CPPED1: variants seen among roughly 807,000 people sequenced by gnomAD.
The protein encoded by CPPED1 is serine/threonine-protein phosphatase CPPED1.
CPPED1 carries 28 observed loss-of-function variants against 28.0 expected under a neutral mutation model. The ratio of observed to expected loss-of-function variants is 1.00; its 90% CI spans 0.74 to 1.37. The LOEUF (loss-of-function observed/expected upper bound fraction) is 1.37, where lower values mean the gene tolerates loss of function less well. Among genes scored for constraint, CPPED1 ranks in the 40% most tolerant of loss-of-function variants. The probability of loss-of-function intolerance (pLI) is 0.00; values close to 1 mark genes in which losing one functional copy is unlikely to be tolerated. For synonymous variants in CPPED1, 198 were observed against 180.2 expected (o/e 1.10, Z -0.79); for missense variants, 504 against 416.5 (o/e 1.21, Z -1.83).
rs7202616 is a variant in CPPED1, at chr16:12,700,650, C to A, written c.715+3974G>T. Among the ~76,000 whole-genome samples the A allele has an allele frequency of 2.0e-5, 3 of 152,188 alleles. No homozygotes were observed. The South Asian group carries it at 6.2e-4, about 32-fold the overall frequency. On this transcript the variant is annotated intron_variant, in intron 3 of 3. Coordinates refer to ENST00000381774, the MANE Select transcript of CPPED1 (RefSeq NM_018340.3). Reference sequence around the variant, plus strand: ...CAGGTGATCCACCTGCCTTGGCCTCCCAAAGTGCTAGGATTACAGGTGTGA... The same window carrying A: ...CAGGTGATCCACCTGCCTTGGCCTCACAAAGTGCTAGGATTACAGGTGTGA...
At chr16:12,797,126 C>A (rs1294901782) in intron 1 of CPPED1, among the ~76,000 whole-genome samples, 1 of 152,128 alleles carries the variant, frequency 6.6e-6, no homozygotes, top group African/African-American at 2.4e-5. Flanking sequence ...GGTATAAAAC[C>A]ACTTTTTTGG....
At chr16:12,730,040 T>C (rs1596462811) in intron 2 of CPPED1, among the ~76,000 whole-genome samples, 1 of 152,256 alleles carries the variant, frequency 6.6e-6, no homozygotes, top group Non-Finnish European at 1.5e-5. Flanking sequence ...TTTCAAATTT[T>C]GTGTAGAGAT....
In CPPED1 at chr16:12,701,965, T is replaced by G. The variant is rs370893651; in HGVS notation, c.715+2659A>C. Among the ~76,000 whole-genome samples, 18 of 152,280 alleles carry G rather than the reference T, an allele frequency of 1.2e-4. No homozygotes were observed. The East Asian group carries it at 2.3e-3, about 20-fold the overall frequency. On this transcript the variant is annotated intron_variant, in intron 3 of 3. Coordinates refer to ENST00000381774, the MANE Select transcript of CPPED1 (RefSeq NM_018340.3). The stretch of plus-strand genomic sequence containing the variant: ...TCATGCCTACCAAGCAGCCTCCTGA[T>G]TATAATTGGGCTTCCCATGTAGCTC...
chr16:12,731,444 C>T (rs187576108), intron 2 of CPPED1, among the ~76,000 whole-genome samples: 528 of 151,608 alleles, frequency 3.5e-3, no homozygotes, highest in Admixed American at 5.8e-3. Flanking sequence ...CATGGGTCCC[C>T]CGGGGAAAAC....
At chr16:12,726,545 G>C (rs773284488) in intron 2 of CPPED1, among the ~76,000 whole-genome samples, 2 of 151,962 alleles carry the variant, frequency 1.3e-5, no homozygotes, top group Non-Finnish European at 2.9e-5. Context: ...GTTTCACCCT[G>C]TTGGGCAGGC....
intron 2 of CPPED1, among the ~76,000 whole-genome samples, chr16:12,735,920 A>G (rs1226350471): frequency 6.6e-6 from 1 of 152,168 alleles, no homozygotes; most frequent in Admixed American, 6.6e-5. Flanking sequence ...AGTTATATTT[A>G]AACTGCCCCT....
chr16:12,683,708 C>T (rs1002921907), intron 3 of CPPED1, among the ~76,000 whole-genome samples: 1 of 152,144 alleles, frequency 6.6e-6, no homozygotes, highest in African/African-American at 2.4e-5. Context: ...CACGCTTACC[C>T]CCATCTCCTC....
chr16:12,678,366 C>T (rs2079888386), intron 3 of CPPED1, among the ~76,000 whole-genome samples: 1 of 152,332 alleles, frequency 6.6e-6, no homozygotes, highest in Admixed American at 6.5e-5. Context: ...TCTAATTCAA[C>T]TGTTTTGGCC....
At chr16:12,782,003 T>G (rs1233281800) in intron 1 of CPPED1, among the ~76,000 whole-genome samples, 2 of 151,976 alleles carry the variant, frequency 1.3e-5, no homozygotes, top group Non-Finnish European at 2.9e-5. Context: ...AAATCGATGC[T>G]AACATTTCAA....
intron 3 of CPPED1, among the ~76,000 whole-genome samples, chr16:12,677,655 G>A (rs2079884597): frequency 6.6e-6 from 1 of 152,158 alleles, no homozygotes; most frequent in African/African-American, 2.4e-5. Context: ...AAAGAAAAAA[G>A]GAAGTGCCAC....
intron 3 of CPPED1, among the ~76,000 whole-genome samples, chr16:12,686,031 T>A (rs2079931089): frequency 6.6e-6 from 1 of 152,066 alleles, no homozygotes; most frequent in South Asian, 2.1e-4. Flanking sequence ...CCAGGCCGAG[T>A]GCCTGAGCCA....
At chr16:12,742,875 C>G (rs1297156435) in intron 2 of CPPED1, among the ~76,000 whole-genome samples, 1 of 152,160 alleles carries the variant, frequency 6.6e-6, no homozygotes, top group Non-Finnish European at 1.5e-5. Context: ...AGCAAAGGGA[C>G]TGGAGGCGTG....
At chr16:12,698,492 C>A (rs774836636) in intron 3 of CPPED1, among the ~76,000 whole-genome samples, 2 of 152,130 alleles carry the variant, frequency 1.3e-5, no homozygotes, top group Non-Finnish European at 2.9e-5. Flanking sequence ...CATGCAGTGG[C>A]GTAATCTTGG....
rs2065808236 is a variant in CPPED1 at position 12,709,571 on chromosome 16, TGA to T, written c.290-4524_290-4523del. On this transcript the variant is annotated intron_variant, in intron 2 of 3. Transcript: ENST00000381774. The surrounding 1 kb of genome is among the most constrained non-coding windows in gnomAD (Gnocchi z 4.4). ...ATTCTTATTTGTATCAGTGGTACTG[TGA>T]GAGGTATGATTTATTTTTGTCCATA... Among the ~76,000 whole-genome samples, 1 of 152,198 alleles carries T rather than the reference TGA, an allele frequency of 6.6e-6. No individual in the cohort carries two copies. The highest frequency in any genetic ancestry group is 1.5e-5 in the Non-Finnish European group (1 of 68,030).
At chr16:12,702,810 C>T (rs1017893360) in intron 3 of CPPED1, among the ~76,000 whole-genome samples, 2 of 151,764 alleles carry the variant, frequency 1.3e-5, no homozygotes, top group Non-Finnish European at 2.9e-5. Flanking sequence ...ACCAGCCTGG[C>T]CAACATGGTG....
At chr16:12,767,640 C>A (rs1272337010) in intron 2 of CPPED1, among the ~76,000 whole-genome samples, 1 of 152,228 alleles carries the variant, frequency 6.6e-6, no homozygotes, top group Non-Finnish European at 1.5e-5. Context: ...ATGGAGCTCA[C>A]ACCCAGGTAA....
At chr16:12,798,721 A>G (rs1184333818) in intron 1 of CPPED1, among the ~76,000 whole-genome samples, 2 of 152,240 alleles carry the variant, frequency 1.3e-5, no homozygotes, top group Admixed American at 6.5e-5. Flanking sequence ...TTAAAAGCAT[A>G]TTTTATCTTG....
chr16:12,726,579 G>C (rs1478864289), intron 2 of CPPED1, among the ~76,000 whole-genome samples: 1 of 152,058 alleles, frequency 6.6e-6, no homozygotes, highest in Non-Finnish European at 1.5e-5. Flanking sequence ...CTGACCTCAA[G>C]TGATCTGCCC....
At chr16:12,799,407 G>A (rs1052712991) in intron 1 of CPPED1, among the ~76,000 whole-genome samples, 1 of 151,946 alleles carries the variant, frequency 6.6e-6, no homozygotes. Context: ...CACCACACCC[G>A]GCTAATTTTT....
Sources: allele counts gnomAD v4.1 joint callset (sites outside exome capture counted in the v4.1 genomes callset), GRCh38; gene constraint gnomAD v4.1.1; non-coding constraint Gnocchi (gnomAD v3.1); transcripts MANE v1.5; gene names NCBI Gene and HGNC (gene_info 2026-07-23, HGNC 2026-07-21).